MBOAT1: variants seen among roughly 807,000 people sequenced by gnomAD.
MBOAT1 encodes the protein membrane-bound glycerophospholipid O-acyltransferase 1.
Under a neutral mutation model 64.4 loss-of-function variants are expected in MBOAT1, and 67 were observed. That is an observed-to-expected ratio of 1.04 (90% CI 0.85 to 1.27). MBOAT1 has a LOEUF of 1.27. Among genes scored for constraint, MBOAT1 ranks in the 50% most tolerant of loss-of-function variants. The probability of loss-of-function intolerance (pLI) is 0.00; values close to 1 mark genes in which losing one functional copy is unlikely to be tolerated. For missense variants in MBOAT1, 563 were observed against 604.6 expected, an observed-to-expected ratio of 0.93 and a Z score of 0.72; for synonymous variants, 229 against 218.9, an observed-to-expected ratio of 1.05 and a Z score of -0.41.
chr6:20,150,200 G>T (rs1341911068), intron 3 of MBOAT1, among the ~76,000 whole-genome samples: 1 of 152,126 alleles, frequency 6.6e-6, no homozygotes. Context: ...AACTACCTCT[G>T]TACTTTGAAA....
chr6:20,181,701 C>A (rs1382068527), intron 1 of MBOAT1, among the ~76,000 whole-genome samples: 5 of 152,212 alleles, frequency 3.3e-5, no homozygotes, highest in Admixed American at 2.6e-4. Flanking sequence ...GAAACACACA[C>A]CCTGTGGGTG....
At chr6:20,190,152 G>C (rs541469808) in intron 1 of MBOAT1, among the ~76,000 whole-genome samples, 9 of 151,924 alleles carry the variant, frequency 5.9e-5, no homozygotes, top group Non-Finnish European at 1.3e-4. Context: ...CCGCCACCAT[G>C]CCTGGCTAAT....
chr6:20,110,570 A>C (rs1038136091), intron 11 of MBOAT1, among the ~76,000 whole-genome samples: 1 of 151,846 alleles, frequency 6.6e-6, no homozygotes, highest in Non-Finnish European at 1.5e-5. Flanking sequence ...ACTGTAGAAA[A>C]ATGGTCAAAC....
At chr6:20,124,056 C>G (rs753124294) in intron 8 of MBOAT1, among the ~76,000 whole-genome samples, 3 of 150,328 alleles carry the variant, frequency 2.0e-5, no homozygotes, top group African/African-American at 4.9e-5. Context: ...GACTCCATGT[C>G]AAAAAAAAAG....
At chr6:20,122,151 G>A (rs1391335295) in intron 8 of MBOAT1, among the ~76,000 whole-genome samples, 1 of 152,100 alleles carries the variant, frequency 6.6e-6, no homozygotes, top group Admixed American at 6.6e-5. Context: ...GGTGACAAGA[G>A]CGAAACTCCA....
At chr6:20,188,835 CT>C (rs747382077) in intron 1 of MBOAT1, among the ~76,000 whole-genome samples, 11 of 152,130 alleles carry the variant, frequency 7.2e-5, no homozygotes, top group Non-Finnish European at 1.3e-4. Context: ...GTGGGCATGT[CT>C]TAGGCAAGCC....
chr6:20,125,257 C>A (rs1299359998), intron 7 of MBOAT1, among the ~76,000 whole-genome samples: 1 of 152,130 alleles, frequency 6.6e-6, no homozygotes, highest in Admixed American at 6.5e-5. Context: ...TCTCCGACTT[C>A]ATAAAAAAAA....
At chr6:20,182,909 A>T (rs995437006) in intron 1 of MBOAT1, among the ~76,000 whole-genome samples, 1 of 152,118 alleles carries the variant, frequency 6.6e-6, no homozygotes, top group African/African-American at 2.4e-5. Flanking sequence ...TCAAACCCCA[A>T]CCATTATTAT....
At chr6:20,164,307 G>A (rs1420758902) in intron 1 of MBOAT1, among the ~76,000 whole-genome samples, 1 of 151,928 alleles carries the variant, frequency 6.6e-6, no homozygotes, top group Non-Finnish European at 1.5e-5. Context: ...ATCATGAAAA[G>A]TAACCTCAAA....
chr6:20,153,636 G>C (rs572645336), intron 1 of MBOAT1, among the ~76,000 whole-genome samples: 1 of 152,272 alleles, frequency 6.6e-6, no homozygotes. Context: ...CAATAAACAA[G>C]AGCATTTCTC....
At chr6:20,137,317 T>C (rs1761026649) in intron 4 of MBOAT1, among the ~76,000 whole-genome samples, 1 of 152,132 alleles carries the variant, frequency 6.6e-6, no homozygotes, top group South Asian at 2.1e-4. Context: ...TGGCCTACCA[T>C]GGCAAAAGGA....
At chr6:20,111,893 T>TACATATATATACATA (rs1491191628) in intron 11 of MBOAT1, among the ~76,000 whole-genome samples, 6 of 140,672 alleles carry the variant, frequency 4.3e-5, no homozygotes, top group East Asian at 2.0e-4. Context: ...TATATATATA[T>TACATATATATACATA]TCCAGCACAC....
chr6:20,194,691 C>T (rs533972979), intron 1 of MBOAT1, among the ~76,000 whole-genome samples: 5 of 152,174 alleles, frequency 3.3e-5, no homozygotes, highest in South Asian at 2.1e-4. Context: ...TTATTCTCCC[C>T]ACTCCCCTTT....
chr6:20,170,814 T>C (rs144086922), intron 1 of MBOAT1, among the ~76,000 whole-genome samples: 284 of 152,254 alleles, frequency 1.9e-3, no homozygotes, highest in African/African-American at 6.5e-3. Flanking sequence ...GGCAAAAAAC[T>C]TCAAGAAGGC....
chr6:20,107,464 G>A (rs897736854), intron 12 of MBOAT1, among the ~76,000 whole-genome samples: 1 of 152,086 alleles, frequency 6.6e-6, no homozygotes, highest in African/African-American at 2.4e-5. Flanking sequence ...TCAAAAAGAT[G>A]CCCCCAGTGC....
At chr6:20,192,995 C>CTTTT (rs1174816793) in intron 1 of MBOAT1, among the ~76,000 whole-genome samples, 3,220 of 54,858 alleles carry the variant, frequency 0.059, 1,007 homozygotes, top group Middle Eastern at 0.12. Context: ...GCTATAATTT[C>CTTTT]TTTTTTTTTT....
At chr6:20,128,225 G>T (rs1760717849) in intron 6 of MBOAT1, among the ~76,000 whole-genome samples, 1 of 151,766 alleles carries the variant, frequency 6.6e-6, no homozygotes, top group Non-Finnish European at 1.5e-5. Context: ...GCCACCTGTA[G>T]CCCTCCTCCT....
chr6:20,162,213 G>A (rs1407066318), intron 1 of MBOAT1, among the ~76,000 whole-genome samples: 1 of 152,068 alleles, frequency 6.6e-6, no homozygotes. Context: ...TAAATTTTGG[G>A]GGAACACATT....
At chr6:20,131,008 G>A in intron 5 of MBOAT1, 136 bp downstream of exon 5, 1 of 705,300 alleles carries the variant, frequency 1.4e-6, no homozygotes, top group Non-Finnish European at 2.4e-6. Context: ...GATTGCCGAG[G>A]CCTGGAAATT....
Sources: allele counts gnomAD v4.1 joint callset (sites outside exome capture counted in the v4.1 genomes callset), GRCh38; gene constraint gnomAD v4.1.1; transcripts MANE v1.5; gene names NCBI Gene and HGNC (gene_info 2026-07-23, HGNC 2026-07-21).